DNAAF11: variants seen among roughly 807,000 people sequenced by gnomAD.
DNAAF11 encodes dynein axonemal assembly factor 11, also known as leucine rich repeat containing 6.
Under a neutral mutation model 60.8 loss-of-function variants are expected in DNAAF11, and 45 were observed. That is an observed-to-expected ratio of 0.74 (90% CI 0.58 to 0.95). DNAAF11 has a LOEUF of 0.95. DNAAF11 is among the 40% of genes least tolerant of loss of function. DNAAF11 has a pLI of 0.00. For synonymous variants in DNAAF11, 191 were observed against 183.5 expected (o/e 1.04, Z -0.33); for missense variants, 546 against 546.2 (o/e 1.00, Z 0.00).
intron 10 of DNAAF11, among the ~76,000 whole-genome samples, chr8:132,590,957 C>G (rs1349304384): frequency 6.6e-6 from 1 of 152,164 alleles, no homozygotes; most frequent in Non-Finnish European, 1.5e-5. Flanking sequence ...TTGTATAACA[C>G]TCCATTTTAT....
In DNAAF11 at chr8:132,638,000, C is replaced by T; in HGVS notation, c.364G>A (p.Gly122Arg). Residue 122 changes from glycine to arginine, a missense_variant, in exon 4 of 12, where the codon GGG (glycine) becomes AGG (arginine). Transcript: ENST00000620350. Reference protein sequence around the residue: ...NIHLKELFLMGNPCASFDHYR... With the variant: ...NIHLKELFLMRNPCASFDHYR... ...TGGTCAAAGGAAGCACATGGGTTCCCCATGAGAAAGAGCTCCTTCAGATGG... is the reference window on the plus strand; with the variant it reads ...TGGTCAAAGGAAGCACATGGGTTCCTCATGAGAAAGAGCTCCTTCAGATGG... The T allele has an allele frequency of 6.2e-7, 1 of 1,614,078 alleles. No individual in the cohort carries two copies. The highest frequency in any genetic ancestry group is 8.5e-7 in the Non-Finnish European group (1 of 1,179,968).
chr8:132,692,775 G>T, the DNAAF11 span, among the ~76,000 whole-genome samples: 2 of 152,164 alleles, frequency 1.3e-5, no homozygotes, highest in African/African-American at 4.8e-5. Context: ...CTTGCCAAGG[G>T]CAAGCATTAC....
At chr8:132,661,856 G>C (rs1824176277) in intron 1 of DNAAF11, among the ~76,000 whole-genome samples, 1 of 152,138 alleles carries the variant, frequency 6.6e-6, no homozygotes, top group Non-Finnish European at 1.5e-5. Flanking sequence ...TATTGTATTT[G>C]CCTTTGAATG....
intron 1 of DNAAF11, among the ~76,000 whole-genome samples, chr8:132,670,718 T>A (rs1825107284): frequency 6.6e-6 from 1 of 152,020 alleles, no homozygotes; most frequent in South Asian, 2.1e-4. Context: ...AGCAAAAAAA[T>A]TTTGCAAATC....
Position 132,610,194 on chromosome 8 carries a change from G to A in DNAAF11, c.1112C>T (p.Thr371Met), listed in dbSNP as rs778398673. ...DSSSAKRSQT[T>M]GHLVICMPKV... ...GGGCATGCAGATGACCAAATGACCC[G>A]TTGTCTGAGATCTTTTAGCAGAACT... Residue 371 changes from threonine (T) to methionine (M), a missense_variant, in exon 10 of 12, where the codon ACG (threonine) becomes ATG (methionine). Thr to Met is a moderately conservative substitution (Grantham distance 81). Transcript: ENST00000620350. 1.2e-5 allele frequency: 20 copies of A among 1,613,812 alleles called. No individual in the cohort carries two copies. The highest frequency in any genetic ancestry group is 1.7e-5 in the Admixed American group (1 of 59,992).
At chr8:132,631,638 C>T (rs921189751) in intron 5 of DNAAF11, among the ~76,000 whole-genome samples, 4 of 152,088 alleles carry the variant, frequency 2.6e-5, no homozygotes, top group African/African-American at 4.8e-5. Flanking sequence ...TTCAGGATAG[C>T]AGACGCCACT....
chr8:132,631,006 G>A (rs1820744589), intron 5 of DNAAF11, among the ~76,000 whole-genome samples: 1 of 152,166 alleles, frequency 6.6e-6, no homozygotes, highest in African/African-American at 2.4e-5. Flanking sequence ...CATAATTGTA[G>A]CAATGCCATT....
the DNAAF11 span, among the ~76,000 whole-genome samples, chr8:132,696,222 A>C: frequency 6.6e-6 from 1 of 152,214 alleles, no homozygotes; most frequent in African/African-American, 2.4e-5. Flanking sequence ...AGGGAAATAC[A>C]AATCAAAACC....
intron 2 of DNAAF11, among the ~76,000 whole-genome samples, chr8:132,658,480 G>A (rs1001314680): frequency 9.2e-5 from 14 of 152,010 alleles, no homozygotes; most frequent in African/African-American, 3.4e-4. Context: ...CCGCCACCAC[G>A]CCTGGCTAAT....
At chr8:132,661,204 T>A (rs1179907608) in intron 2 of DNAAF11, among the ~76,000 whole-genome samples, 1 of 152,154 alleles carries the variant, frequency 6.6e-6, no homozygotes, top group Non-Finnish European at 1.5e-5. Context: ...GTGTTCTCTG[T>A]CTTTTTAGAT....
chr8:132,685,419 C>T, the DNAAF11 span, among the ~76,000 whole-genome samples: 1 of 152,122 alleles, frequency 6.6e-6, no homozygotes, highest in African/African-American at 2.4e-5. Context: ...GCCAATTTTG[C>T]TAATGATAAT....
intron 3 of DNAAF11, among the ~76,000 whole-genome samples, chr8:132,642,061 T>C (rs1821908324): frequency 6.6e-6 from 1 of 152,194 alleles, no homozygotes; most frequent in African/African-American, 2.4e-5. Flanking sequence ...TTTCAAAATT[T>C]TGCAACATGG....
chr8:132,571,293 C>A lies in DNAAF11; in HGVS notation c.*1013G>T, dbSNP rs1410711338. On this transcript the variant is annotated 3_prime_UTR_variant, in exon 12 of 12. Transcript: ENST00000620350. ...CCCTGATGAACAGAGAGGGGGCTAG[C>A]ACTCAATAGTTGCTCAATAAGTATT... Among the ~76,000 whole-genome samples the A allele has an allele frequency of 6.6e-6, 1 of 152,180 alleles. No homozygotes were observed. Among genetic ancestry groups the A allele is most frequent in the Non-Finnish European group, 1.5e-5 (1 of 68,044 alleles).
rs143503443 is a variant in DNAAF11 at position 132,671,240 on chromosome 8, T to C, written c.10+4244A>G. On this transcript the variant is annotated intron_variant, in intron 1 of 11. Transcript: ENST00000620350. ...TTTGAAAAGATTGCAGAATATAAGA[T>C]CTATATGAAAAAATCAAGTATACTT... is the stretch of plus-strand genomic sequence containing the variant. Among the ~76,000 whole-genome samples the C allele has an allele frequency of 8.1e-3, 1,233 of 152,218 alleles. 15 individuals are homozygous for C. Among genetic ancestry groups the C allele is most frequent in the Non-Finnish European group, 0.014 (945 of 68,004 alleles).
intron 3 of DNAAF11, among the ~76,000 whole-genome samples, chr8:132,644,555 C>T (rs992642245): frequency 2.6e-5 from 4 of 152,132 alleles, no homozygotes; most frequent in Non-Finnish European, 5.9e-5. Flanking sequence ...TCAGGAAGCA[C>T]AAGGGGTCAG....
At chr8:132,702,767 G>C in the DNAAF11 span, among the ~76,000 whole-genome samples, 3 of 152,000 alleles carry the variant, frequency 2.0e-5, no homozygotes, top group Non-Finnish European at 2.9e-5. Context: ...GAAATCGCTT[G>C]TCCAAAGTGA....
intron 11 of DNAAF11, among the ~76,000 whole-genome samples, chr8:132,574,450 C>G (rs530855496): frequency 6.6e-6 from 1 of 152,314 alleles, no homozygotes; most frequent in African/African-American, 2.4e-5. Flanking sequence ...CTACCAGCAC[C>G]CAACAAAACC....
intron 1 of DNAAF11, among the ~76,000 whole-genome samples, chr8:132,674,863 G>T (rs974570365): frequency 6.6e-6 from 1 of 152,228 alleles, no homozygotes; most frequent in Admixed American, 6.5e-5. Flanking sequence ...ACTCCAGCCT[G>T]GGCGACAGAG....
intron 10 of DNAAF11, among the ~76,000 whole-genome samples, chr8:132,588,231 C>T (rs571555283): frequency 6.6e-5 from 10 of 152,114 alleles, no homozygotes; most frequent in South Asian, 6.2e-4. Context: ...TGAAAACATG[C>T]TACTTGTAAA....
Sources: gnomAD v4.1 joint callset for allele counts (sites outside exome capture counted in the v4.1 genomes callset) on GRCh38, gnomAD v4.1.1 for gene constraint, MANE v1.5 for transcripts, NCBI Gene and HGNC (gene_info 2026-07-23, HGNC 2026-07-21) for gene names.